The following DOCK9 variants were observed in gnomAD, a reference collection of about 807,000 sequenced individuals.
DOCK9 encodes the protein dedicator of cytokinesis protein 9.
Under a neutral mutation model 263.3 loss-of-function variants are expected in DOCK9, and 89 were observed. The ratio of observed to expected loss-of-function variants is 0.34; its 90% confidence interval spans 0.28 to 0.40. The LOEUF is 0.40. Ranked by LOEUF, DOCK9 falls within the 10% of genes least tolerant of loss-of-function variation. The pLI is 1.00. For missense variants in DOCK9, 2,140 were observed against 2,603.4 expected (o/e 0.82, Z 3.87); for synonymous variants, 976 against 973.1 (o/e 1.00, Z -0.06).
At chr13:98,887,493 G>A (rs934960649) in intron 18 of DOCK9, among the ~76,000 whole-genome samples, 3 of 151,262 alleles carry the variant, frequency 2.0e-5, no homozygotes, top group Non-Finnish European at 4.4e-5. Flanking sequence ...GCAGGCTCCT[G>A]TAGTCCCAGC....
In DOCK9 at chr13:98,797,416, T is replaced by G. The variant is rs1472625476; in HGVS notation, c.5990A>C (p.Lys1997Thr). 1.9e-6 allele frequency: 3 copies of G among 1,613,698 alleles called. No homozygotes were observed. The Admixed American group carries it at 5.0e-5, about 27-fold the overall frequency. ...GAAAACTTCCTTAAGCAGCTTCACT[T>G]TATTGTCAGGATATCGCTTTGTGTT... ...DTNTKRYPDN[K>T]VKLLKEVFRQ... Residue 1997 changes from lysine to threonine, a missense_variant, in exon 51 of 53, where the codon AAA becomes ACA. By Grantham distance (78) the Lys-to-Thr change is moderately conservative (BLOSUM62 -1). Coordinates refer to ENST00000682017, the MANE Select transcript of DOCK9 (RefSeq NM_001366683.2).
At chr13:98,912,488 CA>C (rs1167691448) in intron 9 of DOCK9, among the ~76,000 whole-genome samples, 1 of 151,904 alleles carries the variant, frequency 6.6e-6, no homozygotes, top group Admixed American at 6.6e-5. Flanking sequence ...CTGATTTCAC[CA>C]ACTAAAATGG....
chr13:98,841,072 G>T (rs185568178), intron 38 of DOCK9, among the ~76,000 whole-genome samples: 55 of 152,216 alleles, frequency 3.6e-4, no homozygotes, highest in African/African-American at 1.2e-3. Flanking sequence ...TGCTAAAGAG[G>T]TTTTCCTCAC....
intron 34 of DOCK9, chr13:98,854,619 G>A (rs2093657598): frequency 6.6e-6 from 1 of 152,076 alleles, no homozygotes; most frequent in South Asian, 2.1e-4. Flanking sequence ...TGGCAAAGGT[G>A]GAATCATTAG....
intron 33 of DOCK9, chr13:98,859,004 C>T (rs757198877): frequency 2.6e-5 from 4 of 152,220 alleles, no homozygotes; most frequent in East Asian, 1.9e-4. Context: ...ATCCCTCTAA[C>T]GACCGTTTTG....
At chr13:98,867,891 T>C in intron 29 of DOCK9, 37 bp downstream of exon 29, 1 of 1,553,138 alleles carries the variant, frequency 6.4e-7, no homozygotes, top group Non-Finnish European at 8.8e-7. Context: ...AAAGGCTACA[T>C]GGTGACTTCT....
At chr13:98,802,310 A>T (rs1194957430) in intron 49 of DOCK9, among the ~76,000 whole-genome samples, 3 of 152,252 alleles carry the variant, frequency 2.0e-5, no homozygotes, top group African/African-American at 7.2e-5. Flanking sequence ...GCCAATGGGA[A>T]CATGGTCAGT....
chr13:98,871,190 G>A (rs2094176356), intron 27 of DOCK9, among the ~76,000 whole-genome samples: 1 of 152,220 alleles, frequency 6.6e-6, no homozygotes, highest in African/African-American at 2.4e-5. Context: ...AAGATGGAGT[G>A]AGAAAATAGC....
rs964759068 is a variant in DOCK9 at position 98,931,330 on chromosome 13, G to A, written c.244-1073C>T. Among the ~76,000 whole-genome samples, 178 of 150,940 alleles carry A rather than the reference G, an allele frequency of 1.2e-3. 1 individual carries two copies. The highest frequency in any genetic ancestry group is 1.5e-3 in the African/African-American group (61 of 41,030). On this transcript the variant is annotated intron_variant, in intron 2 of 52. Transcript: ENST00000682017. ...TATTTTATTTTTTGAGACAGGTCTC[G>A]CTCTGTCGCCCAGTCTGGAGTGCAG...
chr13:98,949,705 C>A, intron 2 of DOCK9: 1 of 271,868 alleles, frequency 3.7e-6, no homozygotes, highest in South Asian at 4.1e-5. Flanking sequence ...ACTGTGCTTT[C>A]AGATATTCTG....
In DOCK9 at chr13:98,827,637, C is replaced by T. The variant is rs117444715; in HGVS notation, c.4966-750G>A. On this transcript the variant is annotated intron_variant, in intron 43 of 52. Coordinates refer to ENST00000682017, the MANE Select transcript of DOCK9 (RefSeq NM_001366683.2). The stretch of plus-strand genomic sequence containing the variant: ...CACGTGTGTCAACGAATGTTAGCAG[C>T]GTGGCATGCACTCTGATGTGTGCAG... 1.3e-3 allele frequency among the ~76,000 whole-genome samples: 198 copies of T among 152,282 alleles called. 1 individual carries two copies. The highest frequency in any genetic ancestry group is 2.5e-3 in the Admixed American group (38 of 15,298).
At chr13:99,052,740 A>G (rs1486343326) in intron 1 of DOCK9, among the ~76,000 whole-genome samples, 1 of 150,740 alleles carries the variant, frequency 6.6e-6, no homozygotes, top group Non-Finnish European at 1.5e-5. Context: ...AACTGGGACT[A>G]TAGACACATG....
chr13:98,867,370 T>C lies in DOCK9; in HGVS notation c.3286+55A>G, dbSNP rs536469917. ...TGTTTGAATCAATTATCTTTTCTTATTGAAAATAAATGTCTCTGTTTGTGA... is the reference window on the plus strand; with the variant it reads ...TGTTTGAATCAATTATCTTTTCTTACTGAAAATAAATGTCTCTGTTTGTGA... On this transcript the variant is annotated intron_variant, in intron 30 of 52. Coordinates refer to ENST00000682017, the MANE Select transcript of DOCK9 (RefSeq NM_001366683.2). The C allele has an allele frequency of 4.5e-5, 45 of 989,202 alleles. 1 individual carries two copies. The highest frequency in any genetic ancestry group is 3.4e-4 in the East Asian group (14 of 40,838). 61.3% of individuals were successfully genotyped at this position (989,202 alleles called of 1,614,324 possible). A position where few individuals can be genotyped will look rare whatever the true frequency, so the allele number is the denominator to read the frequency against.
At chr13:98,976,988 C>G (rs180730286) in intron 1 of DOCK9, among the ~76,000 whole-genome samples, 2 of 152,124 alleles carry the variant, frequency 1.3e-5, no homozygotes, top group South Asian at 2.1e-4. Context: ...TTAACAATCT[C>G]TTTAGCAGAT....
Position 98,794,927 on chromosome 13 carries a change from G to C in DOCK9, c.6157-179C>G, listed in dbSNP as rs147848346. ...AGGATGCAAGCAGATATTTCTCAAT[G>C]TGTTGCACCCCACATCACACACACA... On this transcript the variant is annotated intron_variant, in intron 52 of 52. Coordinates refer to ENST00000682017, the MANE Select transcript of DOCK9 (RefSeq NM_001366683.2). 3.6e-4 allele frequency among the ~76,000 whole-genome samples: 55 copies of C among 152,228 alleles called. No homozygotes were observed. In the East Asian group the frequency reaches 9.9e-3, roughly 27 times the overall value.
intron 5 of DOCK9, 147 bp downstream of exon 5, chr13:98,923,155 T>C (rs2052346541): frequency 1.4e-6 from 1 of 699,874 alleles, no homozygotes; most frequent in Non-Finnish European, 2.4e-6. Context: ...ATCAATAACA[T>C]TTTTAAAAAA....
chr13:99,072,230 T>C (rs2041710266), intron 1 of DOCK9, among the ~76,000 whole-genome samples: 1 of 152,190 alleles, frequency 6.6e-6, no homozygotes. Flanking sequence ...CAGACTTTCA[T>C]GATGTTCTAT....
At chr13:98,943,191 A>T (rs2056217879) in intron 2 of DOCK9, among the ~76,000 whole-genome samples, 1 of 152,242 alleles carries the variant, frequency 6.6e-6, no homozygotes, top group Admixed American at 6.5e-5. Context: ...AACACAGCGG[A>T]GAGTCAGCTT....
At chr13:98,922,226 G>A (rs1302959477) in intron 5 of DOCK9, 80 bp from the exon 6 acceptor site, 3 of 1,048,370 alleles carry the variant, frequency 2.9e-6, no homozygotes, top group African/African-American at 3.1e-5. Flanking sequence ...CAATGGGAAG[G>A]TCATTCCCTT....
Sources: allele counts gnomAD v4.1 joint callset (sites outside exome capture counted in the v4.1 genomes callset), GRCh38; gene constraint gnomAD v4.1.1; transcripts MANE v1.5; gene names NCBI Gene and HGNC (gene_info 2026-07-23, HGNC 2026-07-21).